PLXNA2: variants seen among roughly 807,000 people sequenced by gnomAD.
PLXNA2 encodes the protein plexin A2, also known as plexin-A2.
A neutral mutation model predicts 193.5 loss-of-function variants in PLXNA2; 91 were observed. That is an observed-to-expected ratio of 0.47 (90% confidence interval 0.40 to 0.56). PLXNA2 has a LOEUF of 0.56. PLXNA2 is among the 20% of genes least tolerant of loss of function. PLXNA2 has a pLI of 0.00. For missense variants in PLXNA2, 1,995 were observed against 2,503.2 expected (o/e 0.80, Z 4.33); for synonymous variants, 997 against 1,027.3 (o/e 0.97, Z 0.56).
intron 3 of PLXNA2, 45 bp from the exon 4 acceptor site, chr1:208,142,508 C>G: frequency 1.3e-6 from 2 of 1,528,134 alleles, no homozygotes; most frequent in Non-Finnish European, 1.8e-6. Flanking sequence ...CCTCAGTATT[C>G]CCCTGTGGGC....
chr1:208,049,703 C>T (rs145135278), intron 17 of PLXNA2, among the ~76,000 whole-genome samples: 3 of 152,328 alleles, frequency 2.0e-5, no homozygotes, highest in African/African-American at 7.2e-5. Context: ...GACTTAGTTT[C>T]CTCTGCTACA....
At chr1:208,200,038 C>T (rs1352083684) in intron 3 of PLXNA2, among the ~76,000 whole-genome samples, 3 of 152,188 alleles carry the variant, frequency 2.0e-5, no homozygotes, top group African/African-American at 7.2e-5. Flanking sequence ...AATTGTCAAG[C>T]GTGGGAATTC....
chr1:208,173,116 T>C (rs1156263432), intron 3 of PLXNA2, among the ~76,000 whole-genome samples: 1 of 152,246 alleles, frequency 6.6e-6, no homozygotes, highest in Non-Finnish European at 1.5e-5. Context: ...TCAGCCTCTA[T>C]AAGCCAAATG....
chr1:208,154,584 T>A (rs563896609), intron 3 of PLXNA2, among the ~76,000 whole-genome samples: 5 of 152,216 alleles, frequency 3.3e-5, no homozygotes, highest in African/African-American at 1.2e-4. Flanking sequence ...AAAATAACTT[T>A]AAAAAAATTC....
At chr1:208,152,783 T>G (rs1358499221) in intron 3 of PLXNA2, among the ~76,000 whole-genome samples, 2 of 151,500 alleles carry the variant, frequency 1.3e-5, no homozygotes, top group Non-Finnish European at 2.9e-5. Flanking sequence ...CATTCAGGAG[T>G]CTAGCTAACA....
intron 4 of PLXNA2, among the ~76,000 whole-genome samples, chr1:208,112,859 C>A (rs983700936): frequency 1.3e-5 from 2 of 152,026 alleles, no homozygotes; most frequent in African/African-American, 2.4e-5. Flanking sequence ...CAAGGTAAAA[C>A]TACAAAGAGG....
chr1:208,183,222 G>A (rs76555804), intron 3 of PLXNA2, among the ~76,000 whole-genome samples: 1,949 of 152,272 alleles, frequency 0.013, 57 homozygotes, highest in East Asian at 0.12. Context: ...TCAGACAGGG[G>A]AGAAGCCACT....
chr1:208,240,478 T>C (rs1231352595), intron 1 of PLXNA2, among the ~76,000 whole-genome samples: 2 of 152,196 alleles, frequency 1.3e-5, no homozygotes, highest in African/African-American at 2.4e-5. Flanking sequence ...GAAATCTTTG[T>C]AACGAAGTGA....
intron 3 of PLXNA2, among the ~76,000 whole-genome samples, chr1:208,181,098 T>A (rs974779918): frequency 2.3e-4 from 35 of 152,178 alleles, no homozygotes; most frequent in Non-Finnish European, 7.4e-5. Context: ...GGGAGACAAA[T>A]GCATGTGGGA....
At chr1:208,223,259 A>G (rs1342229225) in intron 1 of PLXNA2, among the ~76,000 whole-genome samples, 1 of 150,640 alleles carries the variant, frequency 6.6e-6, no homozygotes, top group African/African-American at 2.4e-5. Flanking sequence ...TATGAAAGAC[A>G]CCACAGCCCA....
Position 208,152,827 on chromosome 1 carries a change from GCTTTTTC to G in PLXNA2, c.1372-10371_1372-10365del, listed in dbSNP as rs1558218337. On this transcript the variant is annotated intron_variant, in intron 3 of 31. Coordinates refer to ENST00000367033, the MANE Select transcript of PLXNA2 (RefSeq NM_025179.4). ...TCACCATTTTCCAATTGCATCCCCA[GCTTTTTC>G]GTCTTCACGCCTTTGCTTGACAATT... Among the ~76,000 whole-genome samples, 175 of 134,732 alleles carry G rather than the reference GCTTTTTC, an allele frequency of 1.3e-3. 1 individual carries two copies. The highest frequency in any genetic ancestry group is 5.1e-3 in the African/African-American group (170 of 33,108). 88.4% of individuals were successfully genotyped at this position (134,732 alleles called of 152,430 possible). A position where few individuals can be genotyped will look rare whatever the true frequency, so the allele number is the denominator to read the frequency against.
In PLXNA2 at chr1:208,042,476, T is replaced by C; in HGVS notation, c.4018-110A>G. ...CGATGACACTAGCTGTAGGACCCTA[T>C]GTTTGAGGCCTATAACCAACCCCAC... On this transcript the variant is annotated intron_variant, in intron 21 of 31. Transcript: ENST00000367033. 3.3e-6 allele frequency: 4 copies of C among 1,207,292 alleles called. No homozygotes were observed. In the South Asian group the frequency reaches 5.8e-5, roughly 18 times the overall value. 74.8% of individuals were successfully genotyped at this position (1,207,292 alleles called of 1,614,324 possible).
chr1:208,063,523 C>T (rs1465539718), intron 12 of PLXNA2, among the ~76,000 whole-genome samples: 13 of 152,174 alleles, frequency 8.5e-5, no homozygotes, highest in Admixed American at 8.5e-4. Context: ...TGGGTAGTTC[C>T]AGCTAGCAGC....
intron 3 of PLXNA2, among the ~76,000 whole-genome samples, chr1:208,173,730 C>T (rs1669568257): frequency 6.6e-6 from 1 of 152,160 alleles, no homozygotes; most frequent in African/African-American, 2.4e-5. Context: ...GAGGATTTGC[C>T]AATGAAAATG....
chr1:208,076,513 T>A (rs549346238), intron 12 of PLXNA2, among the ~76,000 whole-genome samples: 1 of 152,340 alleles, frequency 6.6e-6, no homozygotes, highest in Admixed American at 6.5e-5. Context: ...TGAGATCCCC[T>A]TCAAGTTGTG....
chr1:208,103,305 G>A, intron 4 of PLXNA2, 58 bp from the exon 5 acceptor site: 1 of 1,306,828 alleles, frequency 7.7e-7, no homozygotes, highest in Non-Finnish European at 1.1e-6. Context: ...TAGCAGGTGT[G>A]TGTCACACAG....
rs114691697 is a variant in PLXNA2 at position 208,237,761 on chromosome 1, T to C, written c.-81+5882A>G. The stretch of plus-strand genomic sequence containing the variant: ...GCTCTCACTTCCTCTGACCCCCTAG[T>C]ACACACTGTTAATGCCATTCTGCCT... On this transcript the variant is annotated intron_variant, in intron 1 of 31. Transcript: ENST00000367033. Among the ~76,000 whole-genome samples, 575 of 152,324 alleles carry C rather than the reference T, an allele frequency of 3.8e-3. 8 individuals carry two copies. Among genetic ancestry groups the C allele is most frequent in the African/African-American group, 0.013 (533 of 41,578 alleles).
At chr1:208,170,354 A>C (rs1384857125) in intron 3 of PLXNA2, among the ~76,000 whole-genome samples, 1 of 152,224 alleles carries the variant, frequency 6.6e-6, no homozygotes, top group Non-Finnish European at 1.5e-5. Flanking sequence ...TTGTGACTGG[A>C]GGCTGGGGAG....
At chr1:208,168,992 G>A (rs1229039360) in intron 3 of PLXNA2, among the ~76,000 whole-genome samples, 1 of 151,986 alleles carries the variant, frequency 6.6e-6, no homozygotes, top group South Asian at 2.1e-4. Context: ...CCTGCCCTTC[G>A]ATGGTTTTCT....
Sources: allele counts gnomAD v4.1 joint callset (sites outside exome capture counted in the v4.1 genomes callset), GRCh38; gene constraint gnomAD v4.1.1; transcripts MANE v1.5; gene names NCBI Gene and HGNC (gene_info 2026-07-23, HGNC 2026-07-21).